The following PACRG variants were observed in gnomAD, a reference collection of about 807,000 sequenced individuals.
PACRG encodes the protein parkin coregulated gene protein.
Under a neutral mutation model 29.7 loss-of-function variants are expected in PACRG, and 29 were observed. The observed-to-expected ratio is 0.98, with a 90% CI of 0.73 to 1.33. PACRG has a LOEUF of 1.33. Among genes scored for constraint, PACRG ranks in the 40% most tolerant of loss-of-function variants. The pLI, the probability that PACRG is intolerant of heterozygous loss-of-function variation, is 0.00. For missense variants in PACRG, 279 were observed against 316.2 expected, an observed-to-expected ratio of 0.88 and a Z score of 0.89; for synonymous variants, 116 against 118.7, an observed-to-expected ratio of 0.98 and a Z score of 0.15.
intron 4 of PACRG, among the ~76,000 whole-genome samples, chr6:163,284,732 A>G (rs1256083680): frequency 6.6e-6 from 1 of 151,828 alleles, no homozygotes; most frequent in Non-Finnish European, 1.5e-5. Context: ...GATGCCTCTC[A>G]GGGACTCGGC....
intron 4 of PACRG, among the ~76,000 whole-genome samples, chr6:163,303,919 G>A (rs920495505): frequency 7.3e-5 from 11 of 149,978 alleles, no homozygotes; most frequent in African/African-American, 2.7e-4. Flanking sequence ...AGGAGGCTGA[G>A]GCAGGAGAAT....
chr6:163,203,638 C>T (rs1008351130), intron 4 of PACRG, among the ~76,000 whole-genome samples: 7 of 152,318 alleles, frequency 4.6e-5, no homozygotes, highest in East Asian at 1.9e-4. Flanking sequence ...GAAGATAATC[C>T]GCTCTTTCTG....
intron 4 of PACRG, chr6:163,166,061 G>A (rs780954816): frequency 4.4e-6 from 2 of 455,638 alleles, no homozygotes; most frequent in South Asian, 1.5e-5. Context: ...TGTAATGAAA[G>A]ACAGATGCAT....
At chr6:162,939,812 T>A (rs1798491657) in intron 2 of PACRG, among the ~76,000 whole-genome samples, 1 of 152,190 alleles carries the variant, frequency 6.6e-6, no homozygotes, top group African/African-American at 2.4e-5. Flanking sequence ...AAGCAATATT[T>A]TAAATTCATA....
intron 1 of PACRG, among the ~76,000 whole-genome samples, chr6:162,778,551 A>G (rs2128310914): frequency 6.6e-6 from 1 of 152,326 alleles, no homozygotes; most frequent in African/African-American, 2.4e-5. Context: ...ATATATATGT[A>G]TATATTTTTT....
intron 4 of PACRG, among the ~76,000 whole-genome samples, chr6:163,129,481 G>A (rs766975720): frequency 4.6e-5 from 7 of 152,164 alleles, no homozygotes; most frequent in East Asian, 1.9e-4. Context: ...CTCACATTCC[G>A]TCAAGAGTCG....
chr6:162,954,054 A>C (rs1799846352), intron 2 of PACRG, among the ~76,000 whole-genome samples: 1 of 152,214 alleles, frequency 6.6e-6, no homozygotes, highest in South Asian at 2.1e-4. Flanking sequence ...TTGAGTAGTA[A>C]ATAAAACAAT....
chr6:162,784,033 C>T (rs996189517), intron 1 of PACRG, among the ~76,000 whole-genome samples: 1 of 151,960 alleles, frequency 6.6e-6, no homozygotes, highest in Non-Finnish European at 1.5e-5. Context: ...TATTAGTTTT[C>T]TTATAATCAT....
intron 4 of PACRG, among the ~76,000 whole-genome samples, chr6:163,238,590 C>T (rs918207036): frequency 3.3e-5 from 5 of 152,190 alleles, no homozygotes; most frequent in Non-Finnish European, 2.9e-5. Context: ...CTGAAGAAGT[C>T]GTTTCATCCC....
intron 4 of PACRG, among the ~76,000 whole-genome samples, chr6:163,203,692 C>A (rs796070495): frequency 1.9e-4 from 29 of 152,302 alleles, no homozygotes; most frequent in African/African-American, 6.7e-4. Context: ...TATTAAAATA[C>A]ATGGTGTCAC....
At chr6:163,101,487 C>T (rs1815083050) in intron 4 of PACRG, 2 of 854,542 alleles carry the variant, frequency 2.3e-6, no homozygotes, top group Non-Finnish European at 2.8e-6. Flanking sequence ...AGATGTTGTT[C>T]TTTCTGGAAG....
At chr6:163,112,763 C>A (rs568202247) in intron 4 of PACRG, among the ~76,000 whole-genome samples, 1 of 152,216 alleles carries the variant, frequency 6.6e-6, no homozygotes, top group Admixed American at 6.5e-5. Context: ...AAAAGAAAAA[C>A]CTGGGGAAGG....
intron 4 of PACRG, among the ~76,000 whole-genome samples, chr6:163,219,754 C>T (rs562120362): frequency 6.6e-6 from 1 of 152,164 alleles, no homozygotes; most frequent in Admixed American, 6.5e-5. Flanking sequence ...TGCTGCCTCC[C>T]TCCCTCCTAC....
In PACRG at chr6:163,123,243, T is replaced by C. The variant is rs112658605; in HGVS notation, c.613+33835T>C. ...GTCCTCCCACCCTAGCCTTTTAATA[T>C]GCAAATGCGGGTCGGCATGATGTCC... On this transcript the variant is annotated intron_variant, in intron 4 of 4. Coordinates refer to ENST00000366888, the MANE Select transcript of PACRG (RefSeq NM_001080379.2). 6.9e-4 allele frequency among the ~76,000 whole-genome samples: 105 copies of C among 152,342 alleles called. 2 individuals carry two copies. The highest frequency in any genetic ancestry group is 2.4e-3 in the African/African-American group (101 of 41,572).
chr6:162,789,007 G>A (rs1784731003), intron 1 of PACRG, among the ~76,000 whole-genome samples: 1 of 152,058 alleles, frequency 6.6e-6, no homozygotes, highest in Non-Finnish European at 1.5e-5. Flanking sequence ...TTGAACTCAG[G>A]CCACAGCCAT....
At chr6:163,243,224 C>A (rs1782569328) in intron 4 of PACRG, among the ~76,000 whole-genome samples, 1 of 152,190 alleles carries the variant, frequency 6.6e-6, no homozygotes, top group Admixed American at 6.5e-5. Context: ...ATGTCCCGAA[C>A]ACCCAAGTCT....
intron 2 of PACRG, among the ~76,000 whole-genome samples, chr6:163,038,587 A>G (rs1233531569): frequency 3.3e-5 from 5 of 152,196 alleles, no homozygotes; most frequent in South Asian, 2.1e-4. Flanking sequence ...CTCATTGGTT[A>G]ATTAAGTCAA....
At chr6:163,119,408 G>A (rs1434114802) in intron 4 of PACRG, among the ~76,000 whole-genome samples, 2 of 152,204 alleles carry the variant, frequency 1.3e-5, no homozygotes, top group African/African-American at 4.8e-5. Context: ...CAGTGAGTGT[G>A]ACGTAAATAG....
intron 4 of PACRG, chr6:163,095,409 A>G: frequency 1.0e-6 from 1 of 985,440 alleles, no homozygotes. Flanking sequence ...ATGTCTAAAG[A>G]AATCAGAATC....
Sources: allele counts gnomAD v4.1 joint callset (sites outside exome capture counted in the v4.1 genomes callset), GRCh38; gene constraint gnomAD v4.1.1; transcripts MANE v1.5; gene names NCBI Gene and HGNC (gene_info 2026-07-23, HGNC 2026-07-21).